The following LEMD3 variants were observed in gnomAD, a reference collection of about 807,000 sequenced individuals.
LEMD3 encodes the protein inner nuclear membrane protein Man1.
A neutral mutation model predicts 95.2 loss-of-function variants in LEMD3; 33 were observed. The ratio of observed to expected loss-of-function variants is 0.35; its 90% CI spans 0.26 to 0.46. LEMD3 has a LOEUF of 0.46. Ranked by LOEUF, LEMD3 falls within the 20% of genes least tolerant of loss-of-function variation. The pLI is 1.00. For missense variants in LEMD3, 1,210 were observed against 1,192.8 expected, an observed-to-expected ratio of 1.01 and a Z score of -0.21; for synonymous variants, 525 against 474.6, an observed-to-expected ratio of 1.11 and a Z score of -1.38.
Position 65,238,595 on chromosome 12 carries a change from T to A in LEMD3, c.1775+14T>A, listed in dbSNP as rs1191390810. ...TGTTGGAATAAGGTAAAGGATCTGA[T>A]TTCCACTTTGACCATTCTGTACTGG... On this transcript the variant is annotated intron_variant, in intron 5 of 12. Transcript: ENST00000308330. The A allele has an allele frequency of 6.2e-7, 1 of 1,612,358 alleles. No homozygotes were observed. The highest frequency in any genetic ancestry group is 2.2e-5 in the East Asian group (1 of 44,840).
Position 65,245,729 on chromosome 12 carries a change from T to G in LEMD3, c.2448T>G (p.Asp816Glu), listed in dbSNP as rs748264298. 1 of 1,613,936 alleles carries G rather than the reference T, an allele frequency of 6.2e-7. No homozygotes were observed. Among genetic ancestry groups the G allele is most frequent in the South Asian group, 1.1e-5 (1 of 91,084 alleles). ...IQEAILEKCS[D>E]NDGIVHIAVD... Reference sequence around the variant, plus strand: ...AAGCAATTTTAGAAAAATGCAGTGATAATGATGGCATTGTTCACATTGCAG... The same window carrying G: ...AAGCAATTTTAGAAAAATGCAGTGAGAATGATGGCATTGTTCACATTGCAG... The change falls in exon 11 of 13, where the codon GAT (aspartate) becomes GAG (glutamate). Residue 816 changes from aspartate (D) to glutamate (E), a missense_variant. By Grantham distance (45) the Asp-to-Glu change is conservative. Transcript: ENST00000308330.
intron 4 of LEMD3, among the ~76,000 whole-genome samples, chr12:65,222,562 T>TA (rs1370879025): frequency 6.6e-6 from 1 of 152,158 alleles, no homozygotes; most frequent in African/African-American, 2.4e-5. Context: ...ATTTTTTTCT[T>TA]AGTCTAGTTA....
At chr12:65,235,519 C>G (rs12316761) in intron 4 of LEMD3, among the ~76,000 whole-genome samples, 5,711 of 150,838 alleles carry the variant, frequency 0.038, 351 homozygotes, top group African/African-American at 0.13. Context: ...ATCTTAGTGG[C>G]AATAAAAAGA....
intron 1 of LEMD3, among the ~76,000 whole-genome samples, chr12:65,207,254 T>C (rs1484754602): frequency 6.6e-6 from 1 of 152,116 alleles, no homozygotes; most frequent in Non-Finnish European, 1.5e-5. Flanking sequence ...AAGCTGCTAT[T>C]CTAGGAGACC....
At chr12:65,216,901 A>G (rs1313700242) in intron 3 of LEMD3, among the ~76,000 whole-genome samples, 1 of 152,146 alleles carries the variant, frequency 6.6e-6, no homozygotes, top group Non-Finnish European at 1.5e-5. Context: ...ATTCTGTATT[A>G]TATCGCTAAA....
At chr12:65,222,391 A>G (rs567843053) in intron 4 of LEMD3, among the ~76,000 whole-genome samples, 74 of 151,942 alleles carry the variant, frequency 4.9e-4, no homozygotes, top group African/African-American at 1.7e-3. Context: ...TTAGTCTGTA[A>G]TTTTCTTATA....
Position 65,170,731 on chromosome 12 carries a change from T to A in LEMD3, c.1135T>A (p.Leu379Met), listed in dbSNP as rs368502571. ...PPPLTDMDSTLDSSTGSLLKT... is the reference protein window; with the variant it reads ...PPPLTDMDSTMDSSTGSLLKT... The stretch of plus-strand genomic sequence containing the variant: ...GCCACTTACTGACATGGACTCAACC[T>A]TGGATTCGTCAACAGGCTCCCTTCT... Residue 379 changes from leucine to methionine, a missense_variant, in exon 1 of 13, where the codon TTG (leucine) becomes ATG (methionine). Leu to Met is a conservative substitution (Grantham distance 15). Coordinates refer to ENST00000308330, the MANE Select transcript of LEMD3 (RefSeq NM_014319.5). 1.1e-5 allele frequency: 17 copies of A among 1,614,224 alleles called. No individual in the cohort carries two copies. The highest frequency in any genetic ancestry group is 2.2e-5 in the East Asian group (1 of 44,882).
At position 65,240,192 on chromosome 12, in the gene LEMD3, A is replaced by C; in HGVS notation, c.2080A>C (p.Met694Leu). The C allele has an allele frequency of 1.2e-6, 2 of 1,613,900 alleles. No individual in the cohort carries two copies. Among genetic ancestry groups the C allele is most frequent in the Non-Finnish European group, 1.7e-6 (2 of 1,179,830 alleles). The part of the protein sequence containing the change: ...CQENKDLQPY[M>L]PIPHVRDSLI... ...GGAAAACAAAGATTTACAACCTTAC[A>C]TGCCTATTCCACATGTACGCGATTC... Residue 694 changes from methionine (M) to leucine (L), a missense_variant, in exon 8 of 13, where the codon ATG (methionine) becomes CTG (leucine). Around this residue, in one of 2 missense-constraint regions of LEMD3, gnomAD observed 461 missense variants for 569.8 expected, o/e 0.81. Coordinates refer to ENST00000308330, the MANE Select transcript of LEMD3 (RefSeq NM_014319.5).
chr12:65,228,491 G>T (rs1870526641), intron 4 of LEMD3, among the ~76,000 whole-genome samples: 1 of 151,622 alleles, frequency 6.6e-6, no homozygotes, highest in Non-Finnish European at 1.5e-5. Context: ...TCCTTCCCAG[G>T]TTCATGCCAT....
intron 4 of LEMD3, among the ~76,000 whole-genome samples, chr12:65,220,652 G>T (rs1006868686): frequency 1.3e-5 from 2 of 152,050 alleles, no homozygotes; most frequent in African/African-American, 4.8e-5. Flanking sequence ...CCATATCAAC[G>T]TCAAGAAGCT....
intron 1 of LEMD3, among the ~76,000 whole-genome samples, chr12:65,207,790 A>G (rs978749203): frequency 6.6e-6 from 1 of 152,162 alleles, no homozygotes; most frequent in African/African-American, 2.4e-5. Context: ...AGCAAAGCAT[A>G]TACTTTGAAG....
intron 2 of LEMD3, among the ~76,000 whole-genome samples, chr12:65,215,060 G>A (rs1250894774): frequency 6.6e-6 from 1 of 152,146 alleles, no homozygotes; most frequent in Non-Finnish European, 1.5e-5. Context: ...TAAATTTTCA[G>A]AATGAAGTCA....
Position 65,169,746 on chromosome 12 carries a change from G to A in LEMD3, c.150G>A (p.Glu50=). The A allele has an allele frequency of 1.9e-6, 3 of 1,592,982 alleles. No individual in the cohort carries two copies. Among genetic ancestry groups the A allele is most frequent in the Non-Finnish European group, 2.6e-6 (3 of 1,169,926 alleles). The change falls in exon 1 of 13, where the codon GAG becomes GAA. Residue 50 remains glutamate, a synonymous_variant. Transcript: ENST00000308330. ...LKKLKKLREE[E]QQQHRSGGRG... Reference sequence around the variant, plus strand: ...AGCTGAAGAAGCTTCGAGAGGAAGAGCAGCAACAGCACCGGTCAGGGGGCC... The same window carrying A: ...AGCTGAAGAAGCTTCGAGAGGAAGAACAGCAACAGCACCGGTCAGGGGGCC...
At chr12:65,211,031 T>G in intron 2 of LEMD3, 68 bp downstream of exon 2, 1 of 1,148,270 alleles carries the variant, frequency 8.7e-7, no homozygotes, top group South Asian at 1.3e-5. Context: ...TGAGAATGAC[T>G]ATCAACTAAA....
intron 2 of LEMD3, among the ~76,000 whole-genome samples, chr12:65,215,420 C>T (rs1870077758): frequency 6.6e-6 from 1 of 152,172 alleles, no homozygotes; most frequent in Non-Finnish European, 1.5e-5. Context: ...CACTGGGTCT[C>T]TCGCTTTGCT....
intron 9 of LEMD3, among the ~76,000 whole-genome samples, chr12:65,241,684 A>G (rs1870943614): frequency 6.6e-6 from 1 of 152,214 alleles, no homozygotes; most frequent in Non-Finnish European, 1.5e-5. Context: ...TACTACACAG[A>G]AAAGCAGAAA....
chr12:65,203,835 A>G (rs1246424529), intron 1 of LEMD3, among the ~76,000 whole-genome samples: 1 of 152,074 alleles, frequency 6.6e-6, no homozygotes, highest in Non-Finnish European at 1.5e-5. Context: ...TAAACATTAG[A>G]TATTGTTATG....
chr12:65,186,441 G>A (rs1451985017), intron 1 of LEMD3, among the ~76,000 whole-genome samples: 2 of 151,856 alleles, frequency 1.3e-5, no homozygotes, highest in Non-Finnish European at 2.9e-5. Flanking sequence ...AATGAAAAAG[G>A]ATAAAAATAT....
At chr12:65,181,016 C>G (rs1389895951) in intron 1 of LEMD3, among the ~76,000 whole-genome samples, 2 of 140,638 alleles carry the variant, frequency 1.4e-5, no homozygotes, top group Admixed American at 6.8e-5. Context: ...ACACAATTTT[C>G]TGACTATGGC....
Sources: gnomAD v4.1 joint callset for allele counts (sites outside exome capture counted in the v4.1 genomes callset) on GRCh38, gnomAD v4.1.1 for gene constraint, gnomAD v4.1.1 regional missense constraint, MANE v1.5 for transcripts, NCBI Gene and HGNC (gene_info 2026-07-23, HGNC 2026-07-21) for gene names.